Variants in SNX13 observed in about 807,000 individuals in gnomAD.
The protein encoded by SNX13 is sorting nexin-13.
A neutral mutation model predicts 133.6 loss-of-function variants in SNX13; 45 were observed. That is an observed-to-expected ratio of 0.34 (90% CI 0.27 to 0.43). The LOEUF is 0.43. Among genes scored for constraint, SNX13 ranks in the 20% least tolerant of loss-of-function variants. SNX13 has a pLI of 1.00. For missense variants in SNX13, 1,032 were observed against 1,145.1 expected (o/e 0.90, Z 1.43); for synonymous variants, 414 against 373.9 (o/e 1.11, Z -1.24).
chr7:17,806,460 T>C (rs978664707), intron 20 of SNX13, among the ~76,000 whole-genome samples: 1 of 152,164 alleles, frequency 6.6e-6, no homozygotes, highest in Non-Finnish European at 1.5e-5. Context: ...TATTAAACTA[T>C]CATTTAGCCA....
intron 5 of SNX13, among the ~76,000 whole-genome samples, chr7:17,887,586 C>T (rs888522232): frequency 6.6e-6 from 1 of 152,198 alleles, no homozygotes; most frequent in Non-Finnish European, 1.5e-5. Flanking sequence ...AAGTTATCAT[C>T]TCCAGACAAA....
chr7:17,895,094 T>G (rs1385946614), intron 2 of SNX13, among the ~76,000 whole-genome samples: 1 of 152,234 alleles, frequency 6.6e-6, no homozygotes, highest in Non-Finnish European at 1.5e-5. Flanking sequence ...CAAAATAAAA[T>G]GTTTATATTA....
intron 1 of SNX13, among the ~76,000 whole-genome samples, chr7:17,933,876 C>G (rs943868294): frequency 1.3e-5 from 2 of 151,550 alleles, no homozygotes; most frequent in African/African-American, 4.8e-5. Flanking sequence ...CCTCCATCAT[C>G]TTATATGATC....
chr7:17,915,607 GTCTC>G (rs1374082575), intron 1 of SNX13, among the ~76,000 whole-genome samples: 4 of 126,100 alleles, frequency 3.2e-5, no homozygotes, highest in Non-Finnish European at 6.5e-5. Flanking sequence ...TTGGAGGTGT[GTCTC>G]TGTCTGTCTG....
intron 2 of SNX13, among the ~76,000 whole-genome samples, chr7:17,895,262 C>T (rs1797078872): frequency 6.6e-6 from 1 of 152,170 alleles, no homozygotes; most frequent in African/African-American, 2.4e-5. Flanking sequence ...ATAATTTAAA[C>T]TGTAGTTGGG....
chr7:17,798,554 G>C, intron 24 of SNX13, 136 bp downstream of exon 24: 1 of 614,722 alleles, frequency 1.6e-6, no homozygotes, highest in Non-Finnish European at 2.8e-6. Flanking sequence ...ATAATTCTTA[G>C]AAGTCTTTTT....
chr7:17,850,878 A>C lies in SNX13; in HGVS notation c.924T>G (p.Asp308Glu), dbSNP rs1486681455. Reference sequence around the variant, plus strand: ...GATACTGTAATTCTTCTGCTGCCTTATCTCTGACTGCTTCTAGCTCTCCAA... The same window carrying C: ...GATACTGTAATTCTTCTGCTGCCTTCTCTCTGACTGCTTCTAGCTCTCCAA... ...DNIGELEAVR[D>E]KAAEELQYLR... Residue 308 changes from aspartate (D) to glutamate (E), a missense_variant, in exon 10 of 26, where the codon GAT becomes GAG. Physicochemically the swap from Asp to Glu is conservative, Grantham distance 45. Coordinates refer to ENST00000428135, the MANE Select transcript of SNX13 (RefSeq NM_015132.5). The C allele has an allele frequency of 1.2e-6, 2 of 1,612,274 alleles. No homozygotes were observed. Among genetic ancestry groups the C allele is most frequent in the Non-Finnish European group, 1.7e-6 (2 of 1,179,224 alleles).
intron 5 of SNX13, 75 bp downstream of exon 5, chr7:17,890,288 T>C (rs1015821650): frequency 1.0e-5 from 14 of 1,405,580 alleles, no homozygotes; most frequent in Admixed American, 4.4e-5. Context: ...ATTCCTCCCC[T>C]TAAAAGTTGT....
chr7:17,818,176 A>G (rs1413938353), intron 18 of SNX13, among the ~76,000 whole-genome samples: 1 of 152,146 alleles, frequency 6.6e-6, no homozygotes, highest in Non-Finnish European at 1.5e-5. Context: ...CAATACCTTG[A>G]TCTTTGATTT....
At chr7:17,866,557 A>G (rs117912312) in intron 9 of SNX13, among the ~76,000 whole-genome samples, 2,040 of 152,354 alleles carry the variant, frequency 0.013, 24 homozygotes, top group Non-Finnish European at 0.021. Context: ...AATATTATTC[A>G]GCCATTAAAA....
chr7:17,917,162 C>T (rs570664976), intron 1 of SNX13, among the ~76,000 whole-genome samples: 1 of 152,172 alleles, frequency 6.6e-6, no homozygotes, highest in South Asian at 2.1e-4. Flanking sequence ...AAGGATCATA[C>T]CTCAAAATAG....
intron 1 of SNX13, among the ~76,000 whole-genome samples, chr7:17,935,720 ACTCATTTTAGATACTGATG>A (rs1801944483): frequency 6.6e-6 from 1 of 152,236 alleles, no homozygotes; most frequent in African/African-American, 2.4e-5. Context: ...GGCAAGCCAA[ACTCATTTTAGATACTGATG>A]TCCTTCCACT....
chr7:17,826,784 T>G (rs1787961023), intron 16 of SNX13, among the ~76,000 whole-genome samples: 1 of 152,106 alleles, frequency 6.6e-6, no homozygotes, highest in African/African-American at 2.4e-5. Flanking sequence ...GTCTAAACTT[T>G]AAAAATGTTT....
chr7:17,888,949 A>G, intron 5 of SNX13: 1 of 250,068 alleles, frequency 4.0e-6, no homozygotes. Context: ...ATCTCTTCCC[A>G]GGTCTAAAAT....
At chr7:17,914,112 C>T (rs1799295508) in intron 1 of SNX13, among the ~76,000 whole-genome samples, 2 of 122,874 alleles carry the variant, frequency 1.6e-5, no homozygotes, top group Admixed American at 1.6e-4. Flanking sequence ...TAGGAATAGA[C>T]TAGACCAAGC....
rs189202863 is a variant in SNX13 at position 17,832,611 on chromosome 7, G to C, written c.1597+1441C>G. The C allele has an allele frequency of 4.1e-3, 1,632 of 401,956 alleles. 4 individuals are homozygous for C. The highest frequency in any genetic ancestry group is 5.1e-3 in the Non-Finnish European group (1,523 of 298,026). 24.9% of individuals were successfully genotyped at this position (401,956 alleles called of 1,614,324 possible). The stretch of plus-strand genomic sequence containing the variant: ...CAAATTTCATAGCATCTCTATAAAA[G>C]AACATTTTTCAATAGAGTAAGTACA... On this transcript the variant is annotated intron_variant, in intron 15 of 25. Coordinates refer to ENST00000428135, the MANE Select transcript of SNX13 (RefSeq NM_015132.5).
intron 9 of SNX13, among the ~76,000 whole-genome samples, chr7:17,860,215 G>A (rs1248674710): frequency 2.0e-5 from 3 of 151,942 alleles, no homozygotes; most frequent in Admixed American, 2.0e-4. Context: ...TTACTATTAT[G>A]GTTGTGATTT....
Position 17,793,579 on chromosome 7 carries a change from T to C in SNX13, c.*466A>G, listed in dbSNP as rs1783747602. Reference sequence around the variant, plus strand: ...TCATTCACCTGGCTAATCCACAATATATCAAAATGCTGACAGACCTACAAA... The same window carrying C: ...TCATTCACCTGGCTAATCCACAATACATCAAAATGCTGACAGACCTACAAA... On this transcript the variant is annotated 3_prime_UTR_variant, in exon 26 of 26. Coordinates refer to ENST00000428135, the MANE Select transcript of SNX13 (RefSeq NM_015132.5). 1 of 153,342 alleles carries C rather than the reference T, an allele frequency of 6.5e-6. No individual in the cohort carries two copies. The highest frequency in any genetic ancestry group is 2.4e-5 in the African/African-American group (1 of 41,418). 9.5% of individuals were successfully genotyped at this position (153,342 alleles called of 1,614,324 possible).
At chr7:17,870,376 A>G (rs1195318888) in intron 8 of SNX13, among the ~76,000 whole-genome samples, 1 of 152,208 alleles carries the variant, frequency 6.6e-6, no homozygotes, top group Non-Finnish European at 1.5e-5. Context: ...GAAATTTTAG[A>G]ATTACTGACA....
Sources: gnomAD v4.1 joint callset for allele counts (sites outside exome capture counted in the v4.1 genomes callset) on GRCh38, gnomAD v4.1.1 for gene constraint, MANE v1.5 for transcripts, NCBI Gene and HGNC (gene_info 2026-07-23, HGNC 2026-07-21) for gene names.